The following CNTN5 variants were observed in gnomAD, a reference collection of about 807,000 sequenced individuals.
CNTN5 encodes the protein contactin 5, also known as contactin-5.
In CNTN5, 77 loss-of-function variants were observed where a neutral mutation model predicts 129.1. That is an observed-to-expected ratio of 0.60 (90% CI 0.50 to 0.72). The LOEUF is 0.72. CNTN5 is among the 30% of genes least tolerant of loss of function. The probability of loss-of-function intolerance (pLI) is 0.00; values close to 1 mark genes in which losing one functional copy is unlikely to be tolerated. For missense variants in CNTN5, 1,478 were observed against 1,328.8 expected, an observed-to-expected ratio of 1.11 and a Z score of -1.75; for synonymous variants, 509 against 465.6, an observed-to-expected ratio of 1.09 and a Z score of -1.20.
At chr11:99,473,503 G>T (rs1393082147) in intron 2 of CNTN5, among the ~76,000 whole-genome samples, 1 of 151,894 alleles carries the variant, frequency 6.6e-6, no homozygotes, top group Non-Finnish European at 1.5e-5. Context: ...TATAGTGTAT[G>T]TTTAAATTCT....
At chr11:99,910,679 A>G in intron 6 of CNTN5, among the ~76,000 whole-genome samples, 1 of 152,112 alleles carries the variant, frequency 6.6e-6, no homozygotes, top group East Asian at 1.9e-4. Context: ...ACATAGAAAA[A>G]CAGGAATTAG....
chr11:99,637,893 C>T (rs778197149), intron 3 of CNTN5, among the ~76,000 whole-genome samples: 3 of 152,036 alleles, frequency 2.0e-5, no homozygotes, highest in Non-Finnish European at 2.9e-5. Context: ...TCAGCATTTC[C>T]TCTCTTTAGC....
chr11:99,726,817 C>T (rs1943356366), intron 3 of CNTN5, among the ~76,000 whole-genome samples: 1 of 152,096 alleles, frequency 6.6e-6, no homozygotes, highest in Non-Finnish European at 1.5e-5. Flanking sequence ...CCACTCTCCG[C>T]CCCATCTTTA....
intron 6 of CNTN5, among the ~76,000 whole-genome samples, chr11:99,908,216 G>A (rs1435062020): frequency 6.6e-6 from 1 of 152,020 alleles, no homozygotes; most frequent in Non-Finnish European, 1.5e-5. Context: ...AAGGGAGAAA[G>A]GGGTAAGGAG....
chr11:99,545,161 G>T (rs771374126), intron 2 of CNTN5, among the ~76,000 whole-genome samples: 3 of 152,160 alleles, frequency 2.0e-5, no homozygotes, highest in Admixed American at 6.6e-5. Context: ...AATATTTCAG[G>T]TAAAAAGGTT....
intron 6 of CNTN5, among the ~76,000 whole-genome samples, chr11:99,895,928 C>A (rs187977134): frequency 1.2e-4 from 19 of 152,282 alleles, no homozygotes; most frequent in African/African-American, 3.9e-4. Flanking sequence ...AGCAGCTAGA[C>A]TCCATACTGC....
At chr11:99,123,176 G>A (rs907802934) in intron 1 of CNTN5, among the ~76,000 whole-genome samples, 3 of 151,858 alleles carry the variant, frequency 2.0e-5, no homozygotes, top group African/African-American at 7.2e-5. Flanking sequence ...TGTATAATAA[G>A]TGTTCCTTTT....
chr11:99,385,337 C>T (rs1469641703), intron 2 of CNTN5, among the ~76,000 whole-genome samples: 1 of 152,052 alleles, frequency 6.6e-6, no homozygotes, highest in African/African-American at 2.4e-5. Context: ...CACTGCCAGT[C>T]TCAAAAGTAA....
chr11:99,719,276 C>T (rs539918101), intron 3 of CNTN5, among the ~76,000 whole-genome samples: 6 of 151,886 alleles, frequency 4.0e-5, no homozygotes, highest in South Asian at 2.1e-4. Flanking sequence ...GCTGAGATCA[C>T]GCCACTGTAC....
intron 21 of CNTN5, among the ~76,000 whole-genome samples, chr11:100,321,805 C>A (rs1414471005): frequency 1.3e-5 from 2 of 152,098 alleles, no homozygotes; most frequent in South Asian, 2.1e-4. Flanking sequence ...CTGAAATGAT[C>A]ATATGGTTTT....
At chr11:100,263,917 G>A (rs745994764) in intron 17 of CNTN5, among the ~76,000 whole-genome samples, 10 of 152,158 alleles carry the variant, frequency 6.6e-5, no homozygotes, top group Non-Finnish European at 1.2e-4. Flanking sequence ...TGCAATACAT[G>A]TGTGTTTTAC....
chr11:99,862,488 T>C (rs1948237657), intron 6 of CNTN5, among the ~76,000 whole-genome samples: 1 of 152,106 alleles, frequency 6.6e-6, no homozygotes, highest in African/African-American at 2.4e-5. Flanking sequence ...ATTTCCAAAA[T>C]GCACAGTATT....
chr11:99,233,689 T>A (rs972382581), intron 1 of CNTN5, among the ~76,000 whole-genome samples: 1 of 152,172 alleles, frequency 6.6e-6, no homozygotes, highest in Non-Finnish European at 1.5e-5. Context: ...GGCTCACGCC[T>A]GTAATCCCAG....
chr11:99,222,782 T>G (rs1042478890), intron 1 of CNTN5, among the ~76,000 whole-genome samples: 1 of 152,278 alleles, frequency 6.6e-6, no homozygotes, highest in African/African-American at 2.4e-5. Flanking sequence ...AGTCAATTAT[T>G]TAAAGTGTAT....
In CNTN5 at chr11:99,170,304, C is replaced by T. The variant is rs906420168; in HGVS notation, c.-210+149034C>T. Among the ~76,000 whole-genome samples, 25 of 152,208 alleles carry T rather than the reference C, an allele frequency of 1.6e-4. 2 individuals are homozygous for T. Among genetic ancestry groups the T allele is most frequent in the South Asian group, 8.3e-4 (4 of 4,824 alleles). On this transcript the variant is annotated intron_variant, in intron 1 of 24. Transcript: ENST00000524871. ...AGAGCTTAAGTATCTTTCCCAAGGA[C>T]GCACAGGTTAATATACACAAAGGTC...
intron 2 of CNTN5, among the ~76,000 whole-genome samples, chr11:99,475,323 A>ATGCTC (rs1377805159): frequency 1.3e-5 from 2 of 152,206 alleles, no homozygotes; most frequent in African/African-American, 2.4e-5. Flanking sequence ...TGCCAGAACT[A>ATGCTC]TGCTCTTGAA....
At chr11:99,839,555 A>T (rs1947413112) in intron 4 of CNTN5, among the ~76,000 whole-genome samples, 1 of 152,178 alleles carries the variant, frequency 6.6e-6, no homozygotes, top group South Asian at 2.1e-4. Context: ...AACCACGCAG[A>T]TGTCCTTAAA....
intron 3 of CNTN5, among the ~76,000 whole-genome samples, chr11:99,663,034 T>G (rs1952653044): frequency 6.6e-6 from 1 of 152,240 alleles, no homozygotes; most frequent in Non-Finnish European, 1.5e-5. Flanking sequence ...AAGAAACTCA[T>G]TAGTTCACAT....
intron 9 of CNTN5, among the ~76,000 whole-genome samples, chr11:100,012,152 A>C (rs571646700): frequency 6.6e-6 from 1 of 152,276 alleles, no homozygotes; most frequent in Non-Finnish European, 1.5e-5. Context: ...CCTCACAGGA[A>C]AGTGGTGCAT....
Sources: gnomAD v4.1 joint callset for allele counts (sites outside exome capture counted in the v4.1 genomes callset) on GRCh38, gnomAD v4.1.1 for gene constraint, MANE v1.5 for transcripts, NCBI Gene and HGNC (gene_info 2026-07-23, HGNC 2026-07-21) for gene names.